The following SH3BGRL variants were observed in gnomAD, a reference collection of about 807,000 sequenced individuals.
SH3BGRL encodes the protein SH3 domain binding glutamate rich protein like, also known as adapter SH3BGRL.
SH3BGRL carries 7 observed loss-of-function variants against 9.8 expected under a neutral mutation model. The ratio of observed to expected loss-of-function variants is 0.72; its 90% CI spans 0.41 to 1.35. The LOEUF is 1.35. SH3BGRL is among the 40% of genes most tolerant of loss of function. The pLI is 0.01. For synonymous variants in SH3BGRL, 36 were observed against 29.1 expected, an observed-to-expected ratio of 1.24 and a Z score of -0.76; for missense variants, 73 against 84.4, an observed-to-expected ratio of 0.86 and a Z score of 0.53.
chrX:81,289,739 G>GACATGCTT (rs766497798), intron 3 of SH3BGRL, among the ~76,000 whole-genome samples: 1 of 111,092 alleles, frequency 9.0e-6, no homozygotes, highest in East Asian at 2.9e-4. Context: ...AAATCTGTAA[G>GACATGCTT]ACATGCTTCT....
intron 1 of SH3BGRL, among the ~76,000 whole-genome samples, chrX:81,267,559 A>T (rs1341663500): frequency 2.7e-5 from 3 of 111,546 alleles, no homozygotes. Context: ...GATGAAGCTG[A>T]CTTGATTGTG....
At chrX:81,206,252 G>A (rs1267436430) in intron 1 of SH3BGRL, among the ~76,000 whole-genome samples, 1 of 110,386 alleles carries the variant, frequency 9.1e-6, no homozygotes, top group Non-Finnish European at 1.9e-5. Flanking sequence ...TACTTTCATT[G>A]CCTGTTTTTG....
At chrX:81,287,399 A>G (rs1158699011) in intron 3 of SH3BGRL, among the ~76,000 whole-genome samples, 1 of 112,127 alleles carries the variant, frequency 8.9e-6, no homozygotes, top group African/African-American at 3.2e-5. Flanking sequence ...CTAGACACGT[A>G]CAATCAACCA....
At chrX:81,267,688 C>T (rs775277672) in intron 1 of SH3BGRL, among the ~76,000 whole-genome samples, 38 of 111,618 alleles carry the variant, frequency 3.4e-4, no homozygotes, top group African/African-American at 1.2e-3. Context: ...TGTGTCTCTG[C>T]CCTGCTTTGG....
chrX:81,294,228 C>A (rs1344474873), intron 3 of SH3BGRL, among the ~76,000 whole-genome samples: 1 of 111,476 alleles, frequency 9.0e-6, no homozygotes, highest in Non-Finnish European at 1.9e-5. Context: ...GGGAAAAAGT[C>A]TCCAGGGCAT....
intron 3 of SH3BGRL, among the ~76,000 whole-genome samples, chrX:81,282,245 A>G (rs891925404): frequency 2.7e-5 from 3 of 112,155 alleles, no homozygotes; most frequent in Non-Finnish European, 5.6e-5. Flanking sequence ...GGAATTCAAT[A>G]TCCCACTGAC....
intron 3 of SH3BGRL, among the ~76,000 whole-genome samples, chrX:81,292,125 G>T (rs1312360270): frequency 2.7e-5 from 3 of 111,664 alleles, no homozygotes; most frequent in Non-Finnish European, 5.7e-5. Context: ...CCTCTGTGTG[G>T]GGGCTCCAAC....
rs988550120 is a variant in SH3BGRL at position 81,269,580 on chromosome X, A to C, written c.46-7404A>C. Among the ~76,000 whole-genome samples, 5 of 111,853 alleles carry C rather than the reference A, an allele frequency of 4.5e-5. No individual in the cohort carries two copies. In the Admixed American group the frequency reaches 4.7e-4, roughly 11 times the overall value. Reference sequence around the variant, plus strand: ...TCTGGCTTGTAGGGTTTCTGCTGAGAGATCCACTGTTAGTCTGATGGGCTT... The same window carrying C: ...TCTGGCTTGTAGGGTTTCTGCTGAGCGATCCACTGTTAGTCTGATGGGCTT... On this transcript the variant is annotated intron_variant, in intron 1 of 3. Transcript: ENST00000373212.
chrX:81,293,573 C>T (rs948052597), intron 3 of SH3BGRL, among the ~76,000 whole-genome samples: 18 of 111,803 alleles, frequency 1.6e-4, no homozygotes, highest in African/African-American at 5.9e-4. Flanking sequence ...GTCCCAGCTA[C>T]TTGGGAGGCT....
intron 1 of SH3BGRL, among the ~76,000 whole-genome samples, chrX:81,223,835 C>T (rs911073831): frequency 9.0e-6 from 1 of 111,262 alleles, no homozygotes; most frequent in African/African-American, 3.3e-5. Flanking sequence ...TCCCTAGTAC[C>T]AGGTCTGACT....
At chrX:81,286,615 A>G (rs1370187916) in intron 3 of SH3BGRL, among the ~76,000 whole-genome samples, 2 of 108,899 alleles carry the variant, frequency 1.8e-5, no homozygotes, top group Non-Finnish European at 3.8e-5. Context: ...TTATCTTTCC[A>G]CCATCCCTTT....
At chrX:81,203,903 C>G (rs1253113757) in intron 1 of SH3BGRL, among the ~76,000 whole-genome samples, 1 of 108,240 alleles carries the variant, frequency 9.2e-6, no homozygotes, top group Admixed American at 9.9e-5. Flanking sequence ...TAGATTTCAA[C>G]TTTTATTTTA....
chrX:81,255,191 A>G (rs977687224), intron 1 of SH3BGRL, among the ~76,000 whole-genome samples: 1 of 111,863 alleles, frequency 8.9e-6, no homozygotes, highest in Admixed American at 9.5e-5. Context: ...CCCAGCCACA[A>G]ATTCTTTTAA....
At chrX:81,280,009 A>G (rs2075811287) in intron 3 of SH3BGRL, among the ~76,000 whole-genome samples, 1 of 111,281 alleles carries the variant, frequency 9.0e-6, no homozygotes, top group Non-Finnish European at 1.9e-5. Context: ...GGTGGAAGTG[A>G]GACCAACCCT....
rs944393416 is a variant in SH3BGRL, at chrX:81,297,468, G to A, written c.*241G>A. The stretch of plus-strand genomic sequence containing the variant: ...TTAATAAGTAGATATCGTAGAAATA[G>A]TGTTGTTACCTGCCAAGCCATCCTG... On this transcript the variant is annotated 3_prime_UTR_variant, in exon 4 of 4. Transcript: ENST00000373212. The A allele has an allele frequency of 1.4e-5, 4 of 290,384 alleles. No individual in the cohort carries two copies. The highest frequency in any genetic ancestry group is 2.4e-5 in the Non-Finnish European group (4 of 165,752). 23.9% of individuals were successfully genotyped at this position (290,384 alleles called of 1,213,427 possible).
chrX:81,285,693 G>A (rs1199350160), intron 3 of SH3BGRL, among the ~76,000 whole-genome samples: 4 of 111,743 alleles, frequency 3.6e-5, no homozygotes, highest in African/African-American at 1.3e-4. Context: ...CTGAACTTTA[G>A]AAACTAGTTA....
chrX:81,241,724 G>A (rs757008229), intron 1 of SH3BGRL, among the ~76,000 whole-genome samples: 6 of 112,077 alleles, frequency 5.4e-5, no homozygotes, highest in South Asian at 7.5e-4. Context: ...GGGGGTCCCC[G>A]AGCCAGAGAT....
chrX:81,242,672 C>G (rs1439438124), intron 1 of SH3BGRL, among the ~76,000 whole-genome samples: 1 of 111,466 alleles, frequency 9.0e-6, no homozygotes, highest in Non-Finnish European at 1.9e-5. Context: ...AACTATCCAT[C>G]TGACAAGGTA....
chrX:81,255,585 ATT>A (rs773758271), intron 1 of SH3BGRL: 7 of 112,260 alleles, frequency 6.2e-5, no homozygotes, highest in Admixed American at 2.8e-4. Flanking sequence ...ATTTCAGTGA[ATT>A]TGAACAATCT....
Sources: gnomAD v4.1 joint callset for allele counts (sites outside exome capture counted in the v4.1 genomes callset) on GRCh38, gnomAD v4.1.1 for gene constraint, MANE v1.5 for transcripts, NCBI Gene and HGNC (gene_info 2026-07-23, HGNC 2026-07-21) for gene names.